The following RUNX3 variants were observed in gnomAD, a reference collection of about 807,000 sequenced individuals.
RUNX3 encodes the protein RUNX family transcription factor 3, also known as runt-related transcription factor 3.
In RUNX3, 10 loss-of-function variants were observed where a neutral mutation model predicts 27.7. The ratio of observed to expected loss-of-function variants is 0.36; its 90% CI spans 0.22 to 0.61. The LOEUF is 0.61. Among genes scored for constraint, RUNX3 ranks in the 20% least tolerant of loss-of-function variants. RUNX3 has a pLI of 0.72. For synonymous variants in RUNX3, 270 were observed against 269.2 expected, an observed-to-expected ratio of 1.00 and a Z score of -0.03; for missense variants, 469 against 629.5, an observed-to-expected ratio of 0.75 and a Z score of 2.73.
upstream of RUNX3, among the ~76,000 whole-genome samples, chr1:24,934,485 C>T (rs1288821239): frequency 6.6e-6 from 1 of 152,160 alleles, no homozygotes; most frequent in Non-Finnish European, 1.5e-5. Context: ...GAGACTTTTG[C>T]CTGGTGTCCA....
chr1:24,958,144 G>C (rs1571367592), intron 2 of RUNX3, among the ~76,000 whole-genome samples: 1 of 152,358 alleles, frequency 6.6e-6, no homozygotes, highest in East Asian at 1.9e-4. Context: ...AGTGCTCCCT[G>C]TGTACCAGGT....
At chr1:24,946,975 T>C (rs1281752969) in intron 2 of RUNX3, among the ~76,000 whole-genome samples, 1 of 152,156 alleles carries the variant, frequency 6.6e-6, no homozygotes, top group African/African-American at 2.4e-5. Context: ...CCAACCAAAA[T>C]AGCCACAGAG....
At chr1:24,911,974 CAGGG>C (rs1192491770) in intron 3 of RUNX3, among the ~76,000 whole-genome samples, 1 of 152,330 alleles carries the variant, frequency 6.6e-6, no homozygotes, top group East Asian at 1.9e-4. Flanking sequence ...GAGCCACTGC[CAGGG>C]AGGGGAGAGG....
intron 3 of RUNX3, among the ~76,000 whole-genome samples, chr1:24,917,715 C>A (rs1640915800): frequency 6.6e-6 from 1 of 152,180 alleles, no homozygotes; most frequent in Admixed American, 6.5e-5. Flanking sequence ...GTGCGAATAT[C>A]ATTTTTCAGT....
chr1:24,934,453 C>A (rs888192786), upstream of RUNX3, among the ~76,000 whole-genome samples: 1 of 152,142 alleles, frequency 6.6e-6, no homozygotes, highest in Non-Finnish European at 1.5e-5. Context: ...GTGTTAGGAC[C>A]CAGATGCTGC....
chr1:24,916,844 T>C lies in RUNX3; in HGVS notation c.544+2396A>G, dbSNP rs772988966. On this transcript the variant is annotated intron_variant, in intron 3 of 4. Coordinates refer to ENST00000308873, the MANE Select transcript of RUNX3 (RefSeq NM_004350.3). This position sits in a 1 kb window ranked among gnomAD's most constrained non-coding sequence, Gnocchi z 4.8. ...CCTGTCTCAGGTGGTGCAGCAAGCC[T>C]GGCTTCTGACGCCGTGGGTCTCCAG... Among the ~76,000 whole-genome samples, 5 of 152,154 alleles carry C rather than the reference T, an allele frequency of 3.3e-5. No individual in the cohort carries two copies. The highest frequency in any genetic ancestry group is 7.4e-5 in the Non-Finnish European group (5 of 68,008).
upstream of RUNX3, among the ~76,000 whole-genome samples, chr1:24,933,956 C>T (rs937574624): frequency 6.6e-6 from 1 of 152,232 alleles, no homozygotes; most frequent in African/African-American, 2.4e-5. Flanking sequence ...TATCTCCTGC[C>T]CAGTGCCCTA....
chr1:24,931,509 C>G (rs1306293280), upstream of RUNX3, among the ~76,000 whole-genome samples: 1 of 152,332 alleles, frequency 6.6e-6, no homozygotes. Flanking sequence ...CCAGACACCT[C>G]CCTAGACTCT....
In RUNX3 at chr1:24,908,247, C is replaced by T. The variant is rs576576618; in HGVS notation, c.545-830G>A. Reference sequence around the variant, plus strand: ...CTGAACCTCTATGACACGCGGTGATCTGAACCTCTACGACACGCGGTGATC... The same window carrying T: ...CTGAACCTCTATGACACGCGGTGATTTGAACCTCTACGACACGCGGTGATC... On this transcript the variant is annotated intron_variant, in intron 3 of 4. Transcript: ENST00000308873. 3.7e-4 allele frequency among the ~76,000 whole-genome samples: 55 copies of T among 150,670 alleles called. 2 individuals are homozygous for T. The highest frequency in any genetic ancestry group is 1.4e-3 in the African/African-American group (55 of 40,384).
rs200147778 is a variant in RUNX3 at position 24,902,693 on chromosome 1, T to C, written c.704-27A>G. The C allele has an allele frequency of 1.9e-3, 2,924 of 1,500,620 alleles. 1 individual carries two copies. Among genetic ancestry groups the C allele is most frequent in the Non-Finnish European group, 2.2e-3 (2,520 of 1,122,830 alleles). The allele number at this position is 1,500,620 out of a possible 1,614,324, so 93.0% of individuals were successfully genotyped here. On this transcript the variant is annotated intron_variant, in intron 4 of 4. Transcript: ENST00000308873. The surrounding 1 kb of genome is among the most constrained non-coding windows in gnomAD (Gnocchi z 9.2). ...TGGAGGACAGCAGGGAAGAGGTCAGTTCCAGCTCGAGACAACCCCAGGAGG... is the reference window on the plus strand; with the variant it reads ...TGGAGGACAGCAGGGAAGAGGTCAGCTCCAGCTCGAGACAACCCCAGGAGG...
intron 2 of RUNX3, among the ~76,000 whole-genome samples, chr1:24,936,916 C>G (rs1243507184): frequency 6.6e-6 from 1 of 152,206 alleles, no homozygotes; most frequent in Non-Finnish European, 1.5e-5. Context: ...GCAATAAAAG[C>G]CACATGGCTT....
At position 24,901,869 on chromosome 1, in the gene RUNX3, A is replaced by C; in HGVS notation, c.*253T>G. The C allele has an allele frequency of 4.3e-6, 2 of 470,052 alleles. No individual in the cohort carries two copies. The highest frequency in any genetic ancestry group is 3.8e-6 in the Non-Finnish European group (1 of 264,408). 29.1% of individuals were successfully genotyped at this position (470,052 alleles called of 1,614,324 possible). A position where few individuals can be genotyped will look rare whatever the true frequency, so the allele number is the denominator to read the frequency against. The stretch of plus-strand genomic sequence containing the variant: ...CAGGAGGCTGATTCCCCACAGAAGT[A>C]TGGGATGAGACGGCCAGGATCTGGG... On this transcript the variant is annotated 3_prime_UTR_variant, in exon 5 of 5. Coordinates refer to ENST00000308873, the MANE Select transcript of RUNX3 (RefSeq NM_004350.3).
In RUNX3 at chr1:24,916,464, C is replaced by G. The variant is rs1488366791; in HGVS notation, c.544+2776G>C. ...AAAGGTTTTGCGCCCTGGCCTCTAT[C>G]CTCTCCTGGGGTTGCCCAAGAGATC... On this transcript the variant is annotated intron_variant, in intron 3 of 4. Coordinates refer to ENST00000308873, the MANE Select transcript of RUNX3 (RefSeq NM_004350.3). This position sits in a 1 kb window ranked among gnomAD's most constrained non-coding sequence, Gnocchi z 4.8. Among the ~76,000 whole-genome samples, 1 of 152,206 alleles carries G rather than the reference C, an allele frequency of 6.6e-6. No homozygotes were observed. The highest frequency in any genetic ancestry group is 1.5e-5 in the Non-Finnish European group (1 of 68,042).
intron 3 of RUNX3, among the ~76,000 whole-genome samples, chr1:24,910,352 T>C (rs889978227): frequency 3.3e-5 from 5 of 150,986 alleles, no homozygotes; most frequent in Non-Finnish European, 5.9e-5. Context: ...GCCTAAGGCC[T>C]TGGGTCTAGA....
Position 24,929,739 on chromosome 1 carries a change from G to A in RUNX3, c.130C>T (p.Pro44Ser). ...ACCTCGGGCCGGGCGCGCCCTCCGG[G>A]CCCCACGGCCGCCTGCGCGCTCAGC... is the stretch of plus-strand genomic sequence containing the variant. ...GALSAQAAVG[P>S]GGRARPEVRS... Residue 44 changes from proline (P) to serine (S), a missense_variant, in exon 1 of 5, where the codon CCC (proline) becomes TCC (serine). Coordinates refer to ENST00000308873, the MANE Select transcript of RUNX3 (RefSeq NM_004350.3). The A allele has an allele frequency of 6.8e-7, 1 of 1,478,568 alleles. No homozygotes were observed. 91.6% of individuals were successfully genotyped at this position (1,478,568 alleles called of 1,614,324 possible). A position where few individuals can be genotyped will look rare whatever the true frequency, so the allele number is the denominator to read the frequency against.
intron 2 of RUNX3, among the ~76,000 whole-genome samples, chr1:24,922,085 G>A (rs1166112285): frequency 6.6e-6 from 1 of 152,006 alleles, no homozygotes; most frequent in African/African-American, 2.4e-5. Flanking sequence ...TGAGTAGCTG[G>A]GACAACAGGT....
chr1:24,926,649 T>A (rs1193204971), intron 2 of RUNX3, among the ~76,000 whole-genome samples: 2 of 152,188 alleles, frequency 1.3e-5, no homozygotes, highest in Non-Finnish European at 2.9e-5. Context: ...GTCCTGTTTA[T>A]TGGTGATGAA....
Position 24,929,251 on chromosome 1 carries a change from C to T in RUNX3, c.282+336G>A, listed in dbSNP as rs903715859. 5.3e-6 allele frequency: 3 copies of T among 569,148 alleles called. No homozygotes were observed. The Admixed American group carries it at 6.6e-5, about 12-fold the overall frequency. 35.3% of individuals were successfully genotyped at this position (569,148 alleles called of 1,614,324 possible). A position where few individuals can be genotyped will look rare whatever the true frequency, so the allele number is the denominator to read the frequency against. ...GTCCTTGCCCCTGTCCCGGGATCCT[C>T]TTCTCCGTTACCCGCAGGGCTGTAT... On this transcript the variant is annotated intron_variant, in intron 1 of 4. Transcript: ENST00000308873.
chr1:24,910,955 G>C (rs568963845), intron 3 of RUNX3, among the ~76,000 whole-genome samples: 1 of 152,352 alleles, frequency 6.6e-6, no homozygotes, highest in Admixed American at 6.5e-5. Context: ...TGGAGCGGAT[G>C]GGGAGGAGAT....
Sources: gnomAD v4.1 joint callset for allele counts (sites outside exome capture counted in the v4.1 genomes callset) on GRCh38, gnomAD v4.1.1 for gene constraint, Gnocchi (gnomAD v3.1) non-coding constraint, MANE v1.5 for transcripts, NCBI Gene and HGNC (gene_info 2026-07-23, HGNC 2026-07-21) for gene names.